MAGI2: variants seen among roughly 807,000 people sequenced by gnomAD.
MAGI2 encodes membrane-associated guanylate kinase, WW and PDZ domain-containing protein 2.
In MAGI2, 35 loss-of-function variants were observed where a neutral mutation model predicts 133.3. That is an observed-to-expected ratio of 0.26 (90% confidence interval 0.20 to 0.35). The LOEUF (loss-of-function observed/expected upper bound fraction) is 0.35. Ranked by LOEUF, MAGI2 falls within the 10% of genes least tolerant of loss-of-function variation. The pLI is 1.00. For missense variants in MAGI2, 1,636 were observed against 1,863.4 expected, an observed-to-expected ratio of 0.88 and a Z score of 2.25; for synonymous variants, 729 against 710.6, an observed-to-expected ratio of 1.03 and a Z score of -0.41.
At chr7:78,569,801 G>A (rs1801322963) in intron 3 of MAGI2, among the ~76,000 whole-genome samples, 1 of 151,988 alleles carries the variant, frequency 6.6e-6, no homozygotes, top group South Asian at 2.1e-4. Context: ...TAGTCATTAT[G>A]GCCTACCCAA....
intron 1 of MAGI2, among the ~76,000 whole-genome samples, chr7:79,257,830 C>A (rs1296010641): frequency 6.6e-6 from 1 of 151,968 alleles, no homozygotes; most frequent in Non-Finnish European, 1.5e-5. Context: ...AAGAGACACA[C>A]AGTTATTGAT....
chr7:78,053,826 C>T (rs1295108051), intron 21 of MAGI2, among the ~76,000 whole-genome samples: 6 of 152,142 alleles, frequency 3.9e-5, no homozygotes, highest in Admixed American at 3.9e-4. Flanking sequence ...TTACTCTTTG[C>T]TGGGCTATAG....
chr7:79,105,601 C>CTT (rs1447814634), intron 1 of MAGI2, among the ~76,000 whole-genome samples: 1 of 152,154 alleles, frequency 6.6e-6, no homozygotes, highest in Admixed American at 6.5e-5. Flanking sequence ...TTCTCAGCTG[C>CTT]CTCTGTCCTA....
chr7:78,294,997 A>G (rs959974314), intron 9 of MAGI2, among the ~76,000 whole-genome samples: 1 of 152,164 alleles, frequency 6.6e-6, no homozygotes, highest in African/African-American at 2.4e-5. Context: ...TTTAAAGATA[A>G]GGCGTCATTA....
chr7:79,321,818 A>G (rs1839206715), intron 1 of MAGI2, among the ~76,000 whole-genome samples: 1 of 152,194 alleles, frequency 6.6e-6, no homozygotes, highest in Non-Finnish European at 1.5e-5. Flanking sequence ...CCAGTGGACT[A>G]GGCAATGACC....
At chr7:78,143,618 A>G (rs1033887535) in intron 16 of MAGI2, among the ~76,000 whole-genome samples, 11 of 152,124 alleles carry the variant, frequency 7.2e-5, no homozygotes, top group African/African-American at 2.7e-4. Flanking sequence ...TTAAGGTGTC[A>G]TTTTTATTTT....
intron 20 of MAGI2, among the ~76,000 whole-genome samples, chr7:78,125,402 G>C (rs975729117): frequency 1.3e-5 from 2 of 152,180 alleles, no homozygotes; most frequent in African/African-American, 4.8e-5. Context: ...AAGAATTATG[G>C]AGAAATAATG....
chr7:79,378,950 A>G lies in MAGI2; in HGVS notation c.301+74070T>C, dbSNP rs1347146363. Among the ~76,000 whole-genome samples the G allele has an allele frequency of 1.3e-3, 92 of 70,884 alleles. 1 individual carries two copies. Among genetic ancestry groups the G allele is most frequent in the South Asian group, 3.4e-3 (9 of 2,672 alleles). The allele number at this position is 70,884 out of a possible 152,430, so 46.5% of individuals were successfully genotyped here. A position where few individuals can be genotyped will look rare whatever the true frequency, so the allele number is the denominator to read the frequency against. The stretch of plus-strand genomic sequence containing the variant: ...TGTATATATATATATATATATATAT[A>G]TATATATATATATATATATATTAAA... On this transcript the variant is annotated intron_variant, in intron 1 of 21. Coordinates refer to ENST00000354212, the MANE Select transcript of MAGI2 (RefSeq NM_012301.4).
At chr7:78,706,442 G>A (rs997687771) in intron 2 of MAGI2, among the ~76,000 whole-genome samples, 22 of 151,890 alleles carry the variant, frequency 1.4e-4, no homozygotes, top group South Asian at 6.2e-4. Flanking sequence ...TCCCAGTTTC[G>A]GTTATGTCTT....
At chr7:78,478,497 C>G (rs1198598162) in intron 6 of MAGI2, among the ~76,000 whole-genome samples, 1 of 151,874 alleles carries the variant, frequency 6.6e-6, no homozygotes. Flanking sequence ...AATGGGAGTT[C>G]AAAATCTCTA....
At chr7:78,299,604 T>C (rs1482076147) in intron 9 of MAGI2, among the ~76,000 whole-genome samples, 4 of 152,160 alleles carry the variant, frequency 2.6e-5, no homozygotes, top group African/African-American at 4.8e-5. Flanking sequence ...TATTCTGTTT[T>C]CCAACTTTTA....
intron 1 of MAGI2, among the ~76,000 whole-genome samples, chr7:79,352,930 G>A (rs903455541): frequency 1.3e-5 from 2 of 152,012 alleles, no homozygotes; most frequent in Non-Finnish European, 2.9e-5. Flanking sequence ...CTTCCAGTAT[G>A]CCAGGATTAG....
At chr7:79,033,928 G>A (rs1186477117) in intron 1 of MAGI2, among the ~76,000 whole-genome samples, 2 of 151,722 alleles carry the variant, frequency 1.3e-5, no homozygotes, top group South Asian at 2.1e-4. Context: ...ACACACCAAC[G>A]AAAACTACTA....
At chr7:78,933,129 T>C (rs1047489401) in intron 2 of MAGI2, among the ~76,000 whole-genome samples, 1 of 152,092 alleles carries the variant, frequency 6.6e-6, no homozygotes, top group Non-Finnish European at 1.5e-5. Context: ...CAGCAGCTTG[T>C]GGTAGAAAAT....
chr7:78,910,600 T>C (rs944089070), intron 2 of MAGI2, among the ~76,000 whole-genome samples: 4 of 152,200 alleles, frequency 2.6e-5, no homozygotes, highest in Admixed American at 1.3e-4. Context: ...GGTGCTTTTC[T>C]CTTGCCCAAG....
At chr7:78,558,704 A>C (rs1392040006) in intron 3 of MAGI2, among the ~76,000 whole-genome samples, 1 of 152,150 alleles carries the variant, frequency 6.6e-6, no homozygotes, top group African/African-American at 2.4e-5. Flanking sequence ...ATAAAATGAC[A>C]TTCTCACAAG....
chr7:78,479,657 G>A (rs1439519661), intron 6 of MAGI2, among the ~76,000 whole-genome samples: 1 of 151,836 alleles, frequency 6.6e-6, no homozygotes, highest in Non-Finnish European at 1.5e-5. Context: ...TGGCTAAAAT[G>A]ATAGATTTTA....
At chr7:79,015,315 T>A (rs1427277121) in intron 1 of MAGI2, among the ~76,000 whole-genome samples, 2 of 144,230 alleles carry the variant, frequency 1.4e-5, no homozygotes, top group African/African-American at 5.2e-5. Flanking sequence ...TAAAAAAAAA[T>A]TCTTAAAAGC....
At chr7:78,382,200 T>A (rs77362467) in intron 6 of MAGI2, among the ~76,000 whole-genome samples, 62 of 113,990 alleles carry the variant, frequency 5.4e-4, no homozygotes, top group Admixed American at 1.1e-3. Context: ...TCGTTTTTTT[T>A]AAAAAAACAC....
Sources: gnomAD v4.1 joint callset for allele counts (sites outside exome capture counted in the v4.1 genomes callset) on GRCh38, gnomAD v4.1.1 for gene constraint, MANE v1.5 for transcripts, NCBI Gene and HGNC (gene_info 2026-07-23, HGNC 2026-07-21) for gene names.